Variants in PTPRM observed in about 807,000 individuals in gnomAD.
The protein encoded by PTPRM is protein tyrosine phosphatase receptor type M.
PTPRM carries 47 observed loss-of-function variants against 186.7 expected under a neutral mutation model. The observed-to-expected ratio is 0.25, with a 90% CI of 0.20 to 0.32. PTPRM has a LOEUF of 0.32. Ranked by LOEUF, PTPRM falls within the 10% of genes least tolerant of loss-of-function variation. The probability of loss-of-function intolerance (pLI) is 1.00; values close to 1 mark genes in which losing one functional copy is unlikely to be tolerated. For synonymous variants in PTPRM, 668 were observed against 674.9 expected (o/e 0.99, Z 0.16); for missense variants, 1,494 against 1,865.0 (o/e 0.80, Z 3.66).
intron 17 of PTPRM, 193 bp downstream of exon 17, chr18:8,248,369 G>C (rs554939197): frequency 2.9e-6 from 2 of 678,936 alleles, no homozygotes; most frequent in African/African-American, 1.8e-5. Flanking sequence ...ATTAATAAGA[G>C]GGGTTTGCTG....
At chr18:8,096,831 C>A (rs966094820) in intron 11 of PTPRM, among the ~76,000 whole-genome samples, 2 of 152,162 alleles carry the variant, frequency 1.3e-5, no homozygotes, top group Non-Finnish European at 2.9e-5. Flanking sequence ...ACTATAGATG[C>A]CTCACTTTCA....
chr18:8,240,499 GA>G (rs1279973717), intron 14 of PTPRM, among the ~76,000 whole-genome samples: 12 of 13,552 alleles, frequency 8.9e-4, no homozygotes, highest in African/African-American at 1.2e-3. Context: ...GAGAGAGAGA[GA>G]GGAAGGAAGG....
intron 14 of PTPRM, among the ~76,000 whole-genome samples, chr18:8,168,442 G>A (rs1209087173): frequency 6.6e-6 from 1 of 152,136 alleles, no homozygotes; most frequent in Non-Finnish European, 1.5e-5. Context: ...GCAAAAATAA[G>A]TGTATAGACT....
At chr18:8,297,426 T>C (rs559627934) in intron 20 of PTPRM, among the ~76,000 whole-genome samples, 5 of 152,170 alleles carry the variant, frequency 3.3e-5, no homozygotes, top group Non-Finnish European at 7.3e-5. Context: ...ACAGTACAGA[T>C]TGTCTACCAG....
At chr18:7,714,616 C>T (rs894140004) in intron 1 of PTPRM, among the ~76,000 whole-genome samples, 1 of 151,858 alleles carries the variant, frequency 6.6e-6, no homozygotes, top group Non-Finnish European at 1.5e-5. Flanking sequence ...ATAGATAGAC[C>T]ACTAGCCAGA....
chr18:8,240,337 G>A (rs961024647), intron 14 of PTPRM, among the ~76,000 whole-genome samples: 25 of 151,638 alleles, frequency 1.6e-4, no homozygotes, highest in Non-Finnish European at 3.1e-4. Flanking sequence ...TGGGGAGGCT[G>A]AGGTAGGAGA....
chr18:8,106,636 TC>T (rs1232950157), intron 11 of PTPRM, among the ~76,000 whole-genome samples: 2 of 152,298 alleles, frequency 1.3e-5, no homozygotes, highest in East Asian at 3.9e-4. Flanking sequence ...TTTTTATTCT[TC>T]CCCTGTGCCT....
At chr18:7,635,765 C>T (rs1202597867) in intron 1 of PTPRM, among the ~76,000 whole-genome samples, 2 of 152,184 alleles carry the variant, frequency 1.3e-5, no homozygotes, top group Non-Finnish European at 2.9e-5. Flanking sequence ...GGACACAGAA[C>T]GAGTCTCTGG....
At chr18:8,072,986 T>G (rs911874445) in intron 8 of PTPRM, among the ~76,000 whole-genome samples, 3 of 144,940 alleles carry the variant, frequency 2.1e-5, no homozygotes, top group African/African-American at 7.6e-5. Flanking sequence ...TCCTGTCAAC[T>G]ATTCTACTGC....
intron 7 of PTPRM, among the ~76,000 whole-genome samples, chr18:7,975,731 A>T (rs1008890211): frequency 3.3e-5 from 5 of 152,240 alleles, no homozygotes; most frequent in Non-Finnish European, 7.3e-5. Flanking sequence ...CAGTACAGTA[A>T]CATGGTGTAT....
intron 7 of PTPRM, among the ~76,000 whole-genome samples, chr18:7,964,186 T>C (rs1398927397): frequency 6.6e-6 from 1 of 152,228 alleles, no homozygotes; most frequent in Non-Finnish European, 1.5e-5. Context: ...GCATAATCTG[T>C]ATGTACTGCA....
chr18:7,839,465 G>T (rs1359660185), intron 2 of PTPRM, among the ~76,000 whole-genome samples: 2 of 152,232 alleles, frequency 1.3e-5, no homozygotes, highest in African/African-American at 4.8e-5. Flanking sequence ...CTGGCCCAGG[G>T]TGTGTCTAGC....
chr18:7,734,329 T>C (rs1235209352), intron 1 of PTPRM, among the ~76,000 whole-genome samples: 3 of 152,206 alleles, frequency 2.0e-5, no homozygotes, highest in Non-Finnish European at 4.4e-5. Context: ...GAGGGCACAG[T>C]GCAAATGCCA....
intron 5 of PTPRM, among the ~76,000 whole-genome samples, chr18:7,944,911 C>T (rs1161144087): frequency 2.6e-5 from 4 of 152,196 alleles, no homozygotes; most frequent in African/African-American, 9.7e-5. Context: ...CTCCAAAACT[C>T]ATGTTGAAAT....
chr18:8,164,390 T>C (rs1247340403), intron 14 of PTPRM, among the ~76,000 whole-genome samples: 2 of 152,218 alleles, frequency 1.3e-5, no homozygotes, highest in African/African-American at 4.8e-5. Flanking sequence ...AAACAAATAT[T>C]TGTATACCTC....
At chr18:8,313,567 C>T in intron 20 of PTPRM, among the ~76,000 whole-genome samples, 1 of 151,344 alleles carries the variant, frequency 6.6e-6, no homozygotes, top group Non-Finnish European at 1.5e-5. Context: ...ATTAGCACAT[C>T]CTTTCTTTTT....
chr18:8,120,652 C>T (rs970769056), intron 13 of PTPRM, among the ~76,000 whole-genome samples: 2 of 151,850 alleles, frequency 1.3e-5, no homozygotes, highest in Non-Finnish European at 2.9e-5. Context: ...CAAGCTACCA[C>T]GCTAGACTAA....
chr18:7,647,533 G>A (rs2038593895), intron 1 of PTPRM, among the ~76,000 whole-genome samples: 1 of 152,196 alleles, frequency 6.6e-6, no homozygotes, highest in African/African-American at 2.4e-5. Context: ...CTACAAGATG[G>A]TGAAATTTTG....
chr18:8,024,675 C>G (rs2085453372), intron 7 of PTPRM, among the ~76,000 whole-genome samples: 1 of 119,426 alleles, frequency 8.4e-6, no homozygotes, highest in Non-Finnish European at 1.7e-5. Context: ...ATTTGGAAAC[C>G]CAAATCTTTT....
Sources: gnomAD v4.1 joint callset for allele counts (sites outside exome capture counted in the v4.1 genomes callset) on GRCh38, gnomAD v4.1.1 for gene constraint, MANE v1.5 for transcripts, NCBI Gene and HGNC (gene_info 2026-07-23, HGNC 2026-07-21) for gene names.